Variants in ZHX3 observed in about 807,000 individuals in gnomAD.
ZHX3 encodes zinc fingers and homeoboxes 3.
ZHX3 carries 20 observed loss-of-function variants against 64.5 expected under a neutral mutation model. That is an observed-to-expected ratio of 0.31 (90% CI 0.22 to 0.45). ZHX3 has a LOEUF of 0.45. Ranked by LOEUF, ZHX3 falls within the 20% of genes least tolerant of loss-of-function variation. The pLI is 1.00. For synonymous variants in ZHX3, 423 were observed against 461.6 expected, an observed-to-expected ratio of 0.92 and a Z score of 1.07; for missense variants, 1,041 against 1,195.8, an observed-to-expected ratio of 0.87 and a Z score of 1.91.
Position 41,204,543 on chromosome 20 carries a change from G to A in ZHX3, c.374C>T (p.Ser125Phe), listed in dbSNP as rs1568821471. The change falls in exon 3 of 4, where the codon TCC (serine) becomes TTC (phenylalanine). Residue 125 changes from serine (S) to phenylalanine (F), a missense_variant. This residue lies in a region of ZHX3 where 358 missense variants were observed against 369.1 expected (regional missense o/e 0.97). Transcript: ENST00000683867. This position sits in a 1 kb window ranked among gnomAD's most constrained non-coding sequence, Gnocchi z 6.6. ...GGAGTGACATGTGGCATTGTGCAAGGAAAGCCCCTCAGGGGTTTTTGCCAG... is the reference window on the plus strand; with the variant it reads ...GGAGTGACATGTGGCATTGTGCAAGAAAAGCCCCTCAGGGGTTTTTGCCAG... Reference protein sequence around the residue: ...SFLAKTPEGLSLHNATCHSGE... With the variant: ...SFLAKTPEGLFLHNATCHSGE... The A allele has an allele frequency of 1.9e-6, 3 of 1,614,224 alleles. No homozygotes were observed. The highest frequency in any genetic ancestry group is 1.1e-5 in the South Asian group (1 of 91,088).
Position 41,203,885 on chromosome 20 carries a change from T to C in ZHX3, c.1032A>G (p.Pro344=), listed in dbSNP as rs2038472518. Residue 344 remains proline (P), a synonymous_variant, in exon 3 of 4, where the codon CCA becomes CCG. Coordinates refer to ENST00000683867, the MANE Select transcript of ZHX3 (RefSeq NM_001384317.1). The surrounding 1 kb of genome is among the most constrained non-coding windows in gnomAD (Gnocchi z 7.1). Reference sequence around the variant, plus strand: ...TGAACCAGATCTTGAGCTGTTCTTCTGGATACTTGGTCACCACAGTCAAAT... The same window carrying C: ...TGAACCAGATCTTGAGCTGTTCTTCCGGATACTTGGTCACCACAGTCAAAT... The part of the protein sequence containing the change: ...LCYLTVVTKY[P]EEQLKIWFTA... 1.2e-6 allele frequency: 2 copies of C among 1,614,244 alleles called. No individual in the cohort carries two copies. Among genetic ancestry groups the C allele is most frequent in the Non-Finnish European group, 1.7e-6 (2 of 1,180,034 alleles).
At chr20:41,243,848 G>A (rs1292867893) in intron 2 of ZHX3, among the ~76,000 whole-genome samples, 4 of 152,072 alleles carry the variant, frequency 2.6e-5, no homozygotes, top group Non-Finnish European at 5.9e-5. Flanking sequence ...CTATGACGAG[G>A]ATCAACTCTG....
Position 41,179,330 on chromosome 20 carries a change from T to C in ZHX3, c.*5861A>G, listed in dbSNP as rs1353708605. ...GTCTAACCGAGAACAACCGGATTGC[T>C]GTGCTGGGTCCCTGCTGAGGAGTAG... On this transcript the variant is annotated 3_prime_UTR_variant, in exon 4 of 4. Transcript: ENST00000683867. The surrounding 1 kb of genome is among the most constrained non-coding windows in gnomAD (Gnocchi z 4.3). 1 of 152,116 alleles carries C rather than the reference T, an allele frequency of 6.6e-6. No homozygotes were observed. Among genetic ancestry groups the C allele is most frequent in the East Asian group, 1.9e-4 (1 of 5,178 alleles). 9.4% of individuals were successfully genotyped at this position (152,116 alleles called of 1,614,324 possible). A position where few individuals can be genotyped will look rare whatever the true frequency, so the allele number is the denominator to read the frequency against.
At chr20:41,190,582 T>C (rs188732818) in intron 3 of ZHX3, among the ~76,000 whole-genome samples, 200 of 152,358 alleles carry the variant, frequency 1.3e-3, no homozygotes, top group Middle Eastern at 0.01. Context: ...TAGTTTTCTG[T>C]AGTGGTAGCA....
chr20:41,256,416 G>T (rs913368376), intron 2 of ZHX3, among the ~76,000 whole-genome samples: 2 of 151,922 alleles, frequency 1.3e-5, no homozygotes, highest in Non-Finnish European at 2.9e-5. Flanking sequence ...AATTAGGTGA[G>T]GGTAGAACTG....
At position 41,180,611 on chromosome 20, in the gene ZHX3, A is replaced by C. The variant is rs527700461; in HGVS notation, c.*4580T>G. 7 of 152,438 alleles carry C rather than the reference A, an allele frequency of 4.6e-5. No homozygotes were observed. The highest frequency in any genetic ancestry group is 8.8e-5 in the Non-Finnish European group (6 of 68,110). 9.4% of individuals were successfully genotyped at this position (152,438 alleles called of 1,614,324 possible). ...AAAGGAGGCTCTCAACCCCTCTCCAAGGCCAGACGCTCTCTGTACTCCCAT... is the reference window on the plus strand; with the variant it reads ...AAAGGAGGCTCTCAACCCCTCTCCACGGCCAGACGCTCTCTGTACTCCCAT... On this transcript the variant is annotated 3_prime_UTR_variant, in exon 4 of 4. Transcript: ENST00000683867.
At chr20:41,309,827 C>A (rs918217531) in intron 1 of ZHX3, among the ~76,000 whole-genome samples, 6 of 152,236 alleles carry the variant, frequency 3.9e-5, no homozygotes, top group African/African-American at 1.4e-4. Context: ...AAACAACTCT[C>A]CAGCCTCTCA....
chr20:41,249,890 TAGA>T (rs1444669444), intron 2 of ZHX3, among the ~76,000 whole-genome samples: 1 of 152,010 alleles, frequency 6.6e-6, no homozygotes, highest in Middle Eastern at 3.2e-3. Flanking sequence ...CCCCATTCAA[TAGA>T]AGAAGGTGGC....
chr20:41,217,496 TTC>T (rs1392273526), intron 2 of ZHX3, among the ~76,000 whole-genome samples: 3 of 152,200 alleles, frequency 2.0e-5, no homozygotes, highest in South Asian at 2.1e-4. Flanking sequence ...TTAAAAAACA[TTC>T]TGTTTTAAAT....
At chr20:41,240,369 AACTC>A (rs1215057861) in intron 2 of ZHX3, among the ~76,000 whole-genome samples, 1 of 152,190 alleles carries the variant, frequency 6.6e-6, no homozygotes, top group African/African-American at 2.4e-5. Context: ...AAAGAGTAGT[AACTC>A]ACATATCTTA....
chr20:41,257,295 G>C (rs1401883030), intron 2 of ZHX3, among the ~76,000 whole-genome samples: 1 of 152,164 alleles, frequency 6.6e-6, no homozygotes, highest in African/African-American at 2.4e-5. Context: ...AGTAAGTGCA[G>C]TATCTTGCAT....
chr20:41,309,973 TC>T (rs1459343342), intron 1 of ZHX3, among the ~76,000 whole-genome samples: 1 of 152,134 alleles, frequency 6.6e-6, no homozygotes, highest in Non-Finnish European at 1.5e-5. Flanking sequence ...CACTCATGCG[TC>T]CCTCTCTAGC....
intron 2 of ZHX3, among the ~76,000 whole-genome samples, chr20:41,218,590 C>T (rs943433481): frequency 2.6e-5 from 4 of 152,144 alleles, no homozygotes; most frequent in African/African-American, 9.7e-5. Context: ...TAACATGAGG[C>T]TTGGTGATTA....
At chr20:41,274,365 C>T (rs756240296) in intron 1 of ZHX3, among the ~76,000 whole-genome samples, 28 of 152,234 alleles carry the variant, frequency 1.8e-4, no homozygotes, top group Non-Finnish European at 3.2e-4. Flanking sequence ...AGTTCAAATC[C>T]CCCCAAATTG....
intron 1 of ZHX3, among the ~76,000 whole-genome samples, chr20:41,300,968 G>A (rs4812491): frequency 0.26 from 39,193 of 151,974 alleles, 5,855 homozygotes; most frequent in East Asian, 0.74. Context: ...AGGGCTAAAA[G>A]GCCTAGACTT....
intron 2 of ZHX3, among the ~76,000 whole-genome samples, chr20:41,253,031 C>T (rs2042064530): frequency 6.6e-6 from 1 of 152,170 alleles, no homozygotes; most frequent in Admixed American, 6.5e-5. Flanking sequence ...TAGGGCCACA[C>T]AGGATAAACC....
At chr20:41,214,695 G>T (rs552201714) in intron 2 of ZHX3, among the ~76,000 whole-genome samples, 2 of 152,194 alleles carry the variant, frequency 1.3e-5, no homozygotes, top group East Asian at 1.9e-4. Context: ...TTTTTAAAGG[G>T]GTTAAAAATG....
intron 2 of ZHX3, among the ~76,000 whole-genome samples, chr20:41,244,155 G>A (rs2041553533): frequency 6.6e-6 from 1 of 151,890 alleles, no homozygotes; most frequent in South Asian, 2.1e-4. Flanking sequence ...CAACCAAAAA[G>A]TCTCCAGACA....
chr20:41,240,745 A>G (rs2041328100), intron 2 of ZHX3, among the ~76,000 whole-genome samples: 1 of 152,160 alleles, frequency 6.6e-6, no homozygotes, highest in African/African-American at 2.4e-5. Context: ...GCTCCAACAA[A>G]TAACTGAGAA....
Sources: allele counts gnomAD v4.1 joint callset (sites outside exome capture counted in the v4.1 genomes callset), GRCh38; gene constraint gnomAD v4.1.1; regional missense constraint gnomAD v4.1.1; non-coding constraint Gnocchi (gnomAD v3.1); transcripts MANE v1.5; gene names NCBI Gene and HGNC (gene_info 2026-07-23, HGNC 2026-07-21).